The following SDK1 variants were observed in gnomAD, a reference collection of about 807,000 sequenced individuals.
The protein encoded by SDK1 is sidekick cell adhesion molecule 1.
SDK1 carries 157 observed loss-of-function variants against 245.5 expected under a neutral mutation model. The observed-to-expected ratio is 0.64, with a 90% CI of 0.56 to 0.73. The LOEUF is 0.73. Ranked by LOEUF, SDK1 falls within the 30% of genes least tolerant of loss-of-function variation. SDK1 has a pLI of 0.00. For missense variants in SDK1, 3,583 were observed against 3,002.3 expected (o/e 1.19, Z -4.52); for synonymous variants, 1,647 against 1,278.5 (o/e 1.29, Z -6.15).
intron 1 of SDK1, among the ~76,000 whole-genome samples, chr7:3,501,227 A>G (rs1454902215): frequency 1.3e-5 from 2 of 151,998 alleles, no homozygotes; most frequent in Non-Finnish European, 2.9e-5. Flanking sequence ...TTTTCTTAGT[A>G]TCTTTAGAGA....
At chr7:3,718,599 C>T (rs942590080) in intron 4 of SDK1, among the ~76,000 whole-genome samples, 6 of 151,508 alleles carry the variant, frequency 4.0e-5, no homozygotes, top group South Asian at 4.2e-4. Flanking sequence ...ATCTAACACT[C>T]ATTCATGCTA....
intron 4 of SDK1, among the ~76,000 whole-genome samples, chr7:3,794,194 A>G (rs945249404): frequency 2.0e-5 from 3 of 152,148 alleles, no homozygotes; most frequent in Non-Finnish European, 4.4e-5. Context: ...ATGTGGACAT[A>G]CCCAGCTGAC....
At chr7:3,315,667 T>A (rs1422424347) in intron 1 of SDK1, among the ~76,000 whole-genome samples, 1 of 152,208 alleles carries the variant, frequency 6.6e-6, no homozygotes, top group Non-Finnish European at 1.5e-5. Flanking sequence ...TTCCTGAATG[T>A]TCTAAGTTTT....
At chr7:3,930,471 A>T (rs1405473213) in intron 5 of SDK1, among the ~76,000 whole-genome samples, 1 of 152,218 alleles carries the variant, frequency 6.6e-6, no homozygotes, top group Non-Finnish European at 1.5e-5. Context: ...AGGTCTCAAG[A>T]ATACCAGTAA....
At chr7:4,180,470 C>A (rs1336929881) in intron 35 of SDK1, among the ~76,000 whole-genome samples, 1 of 149,540 alleles carries the variant, frequency 6.7e-6, no homozygotes, top group East Asian at 2.0e-4. Context: ...AGCTCTATGC[C>A]CTGTGCCTGG....
chr7:3,832,292 T>G (rs895152503), intron 5 of SDK1, among the ~76,000 whole-genome samples: 1 of 152,228 alleles, frequency 6.6e-6, no homozygotes, highest in Non-Finnish European at 1.5e-5. Context: ...CAGAACTGTT[T>G]TTGATTTTTA....
At chr7:3,905,001 A>ATAAT (rs1165476620) in intron 5 of SDK1, among the ~76,000 whole-genome samples, 2 of 138,094 alleles carry the variant, frequency 1.4e-5, no homozygotes, top group African/African-American at 6.3e-5. Flanking sequence ...TCAAAAAAAA[A>ATAAT]AAAAAAAATA....
intron 20 of SDK1, among the ~76,000 whole-genome samples, chr7:4,073,353 G>A (rs990928250): frequency 4.6e-5 from 7 of 152,152 alleles, no homozygotes; most frequent in Non-Finnish European, 1.0e-4. Flanking sequence ...TTCTGCTGGC[G>A]TTTCTCTGCA....
intron 1 of SDK1, among the ~76,000 whole-genome samples, chr7:3,385,093 A>G (rs550143699): frequency 1.3e-5 from 2 of 152,292 alleles, no homozygotes; most frequent in African/African-American, 4.8e-5. Flanking sequence ...TGTCAGAGGG[A>G]AAAGACCCTG....
At chr7:3,917,319 G>A (rs1779419100) in intron 5 of SDK1, among the ~76,000 whole-genome samples, 1 of 152,158 alleles carries the variant, frequency 6.6e-6, no homozygotes, top group Non-Finnish European at 1.5e-5. Context: ...TGTTCTGTTG[G>A]TAGTTATGAG....
At chr7:3,820,726 T>A (rs1286969469) in intron 4 of SDK1, among the ~76,000 whole-genome samples, 2 of 152,212 alleles carry the variant, frequency 1.3e-5, no homozygotes, top group Non-Finnish European at 2.9e-5. Flanking sequence ...ACAAGCAACT[T>A]AACTTCTGTG....
intron 1 of SDK1, among the ~76,000 whole-genome samples, chr7:3,465,962 TTTTG>T (rs550192720): frequency 6.9e-4 from 105 of 152,106 alleles, no homozygotes; most frequent in Non-Finnish European, 8.8e-4. Context: ...CCATCACTCT[TTTTG>T]TTTGTTTGTT....
At chr7:3,498,584 C>T (rs888559796) in intron 1 of SDK1, among the ~76,000 whole-genome samples, 4 of 152,134 alleles carry the variant, frequency 2.6e-5, no homozygotes, top group African/African-American at 4.8e-5. Context: ...ATAGCTATTA[C>T]TTCTTCCTTT....
chr7:3,335,551 G>A (rs1429404827), intron 1 of SDK1, among the ~76,000 whole-genome samples: 1 of 152,092 alleles, frequency 6.6e-6, no homozygotes, highest in East Asian at 1.9e-4. Flanking sequence ...GGAAGATGGG[G>A]ACAGGGAAAT....
chr7:3,818,006 A>G (rs1477433093), intron 4 of SDK1, among the ~76,000 whole-genome samples: 1 of 152,218 alleles, frequency 6.6e-6, no homozygotes, highest in Non-Finnish European at 1.5e-5. Flanking sequence ...AGGACCGGTT[A>G]GCTTGTTCTT....
chr7:3,540,243 C>G (rs11983288), intron 1 of SDK1, among the ~76,000 whole-genome samples: 15,313 of 152,172 alleles, frequency 0.1, 1,052 homozygotes, highest in African/African-American at 0.19. Context: ...CCCATCACTA[C>G]TAAAAATACA....
intron 2 of SDK1, among the ~76,000 whole-genome samples, chr7:3,633,830 T>C (rs1206443048): frequency 6.6e-6 from 1 of 152,044 alleles, no homozygotes; most frequent in Non-Finnish European, 1.5e-5. Context: ...GCCTGGAGAT[T>C]GGGCAGGAAC....
chr7:4,011,396 T>C (rs1785951171), intron 15 of SDK1, among the ~76,000 whole-genome samples: 1 of 152,228 alleles, frequency 6.6e-6, no homozygotes, highest in African/African-American at 2.4e-5. Context: ...CAGCCCTCTG[T>C]GTACAGGAAA....
At chr7:3,755,310 C>T (rs79827656) in intron 4 of SDK1, among the ~76,000 whole-genome samples, 7,397 of 152,116 alleles carry the variant, frequency 0.049, 218 homozygotes, top group Non-Finnish European at 0.055. Flanking sequence ...AAAATAGGGA[C>T]GACTCAGTCA....
Sources: allele counts gnomAD v4.1 joint callset (sites outside exome capture counted in the v4.1 genomes callset), GRCh38; gene constraint gnomAD v4.1.1; transcripts MANE v1.5; gene names NCBI Gene and HGNC (gene_info 2026-07-23, HGNC 2026-07-21).